CCDC38: variants seen among roughly 807,000 people sequenced by gnomAD.
CCDC38 encodes the protein coiled-coil domain-containing protein 38.
A neutral mutation model predicts 72.8 loss-of-function variants in CCDC38; 69 were observed. That is an observed-to-expected ratio of 0.95 (90% confidence interval 0.78 to 1.16). The LOEUF is 1.16. CCDC38 is among the 50% of genes most tolerant of loss of function. CCDC38 has a pLI of 0.00. For synonymous variants in CCDC38, 201 were observed against 213.2 expected (o/e 0.94, Z 0.50); for missense variants, 626 against 638.9 (o/e 0.98, Z 0.22).
At chr12:95,889,353 A>T (rs1275033689) in intron 9 of CCDC38, among the ~76,000 whole-genome samples, 2 of 152,120 alleles carry the variant, frequency 1.3e-5, no homozygotes, top group African/African-American at 4.8e-5. Context: ...ACTACTAAAA[A>T]GTATTGTTAA....
chr12:95,874,120 C>G (rs1030725540), intron 13 of CCDC38, among the ~76,000 whole-genome samples: 1 of 152,002 alleles, frequency 6.6e-6, no homozygotes, highest in Non-Finnish European at 1.5e-5. Flanking sequence ...ACCTTGGAGA[C>G]ACAGAAAAAT....
At chr12:95,886,566 TC>T (rs1452827054) in intron 10 of CCDC38, among the ~76,000 whole-genome samples, 5 of 152,226 alleles carry the variant, frequency 3.3e-5, no homozygotes, top group Non-Finnish European at 5.9e-5. Context: ...AAACCACATA[TC>T]CCCAAAGGAC....
chr12:95,922,434 C>A (rs77344186), intron 2 of CCDC38, among the ~76,000 whole-genome samples: 14,201 of 152,186 alleles, frequency 0.093, 1,177 homozygotes, highest in East Asian at 0.46. Flanking sequence ...TGGTGGGAGG[C>A]AACTTTGTAG....
At chr12:95,910,949 A>G (rs538934400) in intron 4 of CCDC38, among the ~76,000 whole-genome samples, 1 of 152,328 alleles carries the variant, frequency 6.6e-6, no homozygotes, top group African/African-American at 2.4e-5. Context: ...TCCTACGCAA[A>G]AAGAACGAAG....
chr12:95,889,033 C>CTTTTT lies in CCDC38; in HGVS notation c.872-532_872-528dup, dbSNP rs63374760. ...CATCTTATTATTATTATTGTCTCAGCTTTTTTTTTTTTTTTTTTTTTTGAG... is the reference window on the plus strand; with the variant it reads ...CATCTTATTATTATTATTGTCTCAGCTTTTTTTTTTTTTTTTTTTTTTTTTTTGAG... On this transcript the variant is annotated intron_variant, in intron 9 of 15. Transcript: ENST00000344280. 264 of 85,082 alleles carry CTTTTT rather than the reference C, an allele frequency of 3.1e-3. 8 individuals are homozygous for CTTTTT. The highest frequency in any genetic ancestry group is 6.7e-3 in the African/African-American group (127 of 18,990). 5.3% of individuals were successfully genotyped at this position (85,082 alleles called of 1,614,324 possible). A position where few individuals can be genotyped will look rare whatever the true frequency, so the allele number is the denominator to read the frequency against.
At chr12:95,908,255 C>CTGG (rs909374667) in intron 4 of CCDC38, among the ~76,000 whole-genome samples, 3 of 151,486 alleles carry the variant, frequency 2.0e-5, no homozygotes, top group Non-Finnish European at 2.9e-5. Flanking sequence ...CGGTTAGGAG[C>CTGG]TGGAGACCAG....
intron 4 of CCDC38, among the ~76,000 whole-genome samples, chr12:95,914,652 G>A (rs1331272001): frequency 6.6e-6 from 1 of 152,070 alleles, no homozygotes; most frequent in East Asian, 1.9e-4. Flanking sequence ...CACACAGTCT[G>A]CATTCAAATC....
At chr12:95,881,587 ATTTGTGAGCCATTTTCTGTC>A (rs780707331) in intron 10 of CCDC38, 33 bp from the exon 11 acceptor site, 1 of 1,562,928 alleles carries the variant, frequency 6.4e-7, no homozygotes, top group Non-Finnish European at 8.8e-7. Flanking sequence ...AAAATGTCTG[ATTTGTGAGCCATTTTCTGTC>A]AACAGGTTTG....
intron 4 of CCDC38, among the ~76,000 whole-genome samples, chr12:95,915,630 G>A (rs2080136618): frequency 1.3e-5 from 2 of 151,974 alleles, no homozygotes; most frequent in African/African-American, 2.4e-5. Flanking sequence ...TCAGGCAGGG[G>A]ATGCAAGTTT....
At chr12:95,931,565 A>G (rs1156678069) in intron 2 of CCDC38, among the ~76,000 whole-genome samples, 12 of 152,108 alleles carry the variant, frequency 7.9e-5, no homozygotes, top group Admixed American at 7.9e-4. Context: ...TTTATTCATT[A>G]ATTCATTCAT....
chr12:95,899,150 G>C (rs2079925025), intron 5 of CCDC38, among the ~76,000 whole-genome samples: 1 of 152,230 alleles, frequency 6.6e-6, no homozygotes, highest in Admixed American at 6.5e-5. Flanking sequence ...TGCCATGCCA[G>C]TGATGCATTC....
intron 4 of CCDC38, 99 bp from the exon 5 acceptor site, chr12:95,906,550 T>TC: frequency 1.3e-6 from 1 of 781,048 alleles, no homozygotes; most frequent in South Asian, 1.8e-5. Flanking sequence ...ACAGTATGTA[T>TC]CTGATCTTTT....
intron 9 of CCDC38, 139 bp downstream of exon 9, chr12:95,890,693 C>T (rs1181019413): frequency 1.8e-6 from 1 of 544,390 alleles, no homozygotes; most frequent in South Asian, 2.6e-5. Flanking sequence ...GAGAGAGAAC[C>T]AGAGCCCCTG....
chr12:95,928,848 C>G (rs2080302994), intron 2 of CCDC38, among the ~76,000 whole-genome samples: 1 of 152,186 alleles, frequency 6.6e-6, no homozygotes, highest in African/African-American at 2.4e-5. Context: ...AGTTAGGCTG[C>G]TCGGGGGTCA....
At chr12:95,869,805 A>G in intron 14 of CCDC38, 1 of 430,176 alleles carries the variant, frequency 2.3e-6, no homozygotes, top group Non-Finnish European at 4.0e-6. Flanking sequence ...TATAAAATAT[A>G]CCCAGATCTT....
Position 95,898,638 on chromosome 12 carries a change from G to A in CCDC38, c.463C>T (p.Gln155Ter). 1 of 1,614,122 alleles carries A rather than the reference G, an allele frequency of 6.2e-7. No individual in the cohort carries two copies. Among genetic ancestry groups the A allele is most frequent in the Non-Finnish European group, 8.5e-7 (1 of 1,180,006 alleles). ...RQLKKAEKKL[Q>*]DDALAFEEFL... ...TCTTCAAAGGCCAGTGCATCATCTT[G>A]GAGCTTTTTCTCTGCTTTTTTTAGT... The change falls in exon 6 of 16, where the codon CAA (glutamine) becomes TAA (stop). Residue 155 changes from glutamine to a stop codon, truncating the protein, a stop_gained. Coordinates refer to ENST00000344280, the MANE Select transcript of CCDC38 (RefSeq NM_182496.3). LOFTEE classifies it high-confidence loss of function.
chr12:95,891,055 A>C lies in CCDC38; in HGVS notation c.773-125T>G, dbSNP rs537978222. The C allele has an allele frequency of 2.0e-3, 1,186 of 582,750 alleles. 31 individuals carry two copies. The South Asian group carries it at 0.025, about 12-fold the overall frequency. 36.1% of individuals were successfully genotyped at this position (582,750 alleles called of 1,614,324 possible). On this transcript the variant is annotated intron_variant, in intron 8 of 15. Coordinates refer to ENST00000344280, the MANE Select transcript of CCDC38 (RefSeq NM_182496.3). ...TGTCAAAACTTCCAGGGACAGAAAT[A>C]TAAGTTGGAGACATTATCAACCAGC...
At chr12:95,907,640 C>T (rs1480833393) in intron 4 of CCDC38, among the ~76,000 whole-genome samples, 8 of 121,512 alleles carry the variant, frequency 6.6e-5, no homozygotes, top group East Asian at 2.4e-4. Context: ...CCTCACTTCC[C>T]AGACGGGGTG....
At chr12:95,931,250 A>G (rs1234966193) in intron 2 of CCDC38, among the ~76,000 whole-genome samples, 3 of 151,956 alleles carry the variant, frequency 2.0e-5, no homozygotes, top group African/African-American at 7.3e-5. Flanking sequence ...CTCTTCCTCC[A>G]TCTTCAAAGT....
Sources: allele counts gnomAD v4.1 joint callset (sites outside exome capture counted in the v4.1 genomes callset), GRCh38; gene constraint gnomAD v4.1.1; transcripts MANE v1.5; gene names NCBI Gene and HGNC (gene_info 2026-07-23, HGNC 2026-07-21).